AP3D1: variants seen among roughly 807,000 people sequenced by gnomAD.
AP3D1 encodes adaptor related protein complex 3 subunit delta 1, also known as AP-3 complex subunit delta-1.
In AP3D1, 51 loss-of-function variants were observed where a neutral mutation model predicts 147.6. That is an observed-to-expected ratio of 0.35 (90% CI 0.28 to 0.44). The LOEUF (loss-of-function observed/expected upper bound fraction) is 0.44. Ranked by LOEUF, AP3D1 falls within the 20% of genes least tolerant of loss-of-function variation. The probability of loss-of-function intolerance (pLI) is 1.00; values close to 1 mark genes in which losing one functional copy is unlikely to be tolerated. For synonymous variants in AP3D1, 760 were observed against 663.0 expected (o/e 1.15, Z -2.25); for missense variants, 1,421 against 1,624.2 (o/e 0.87, Z 2.15).
chr19:2,154,096 C>T (rs2019626127), upstream of AP3D1, among the ~76,000 whole-genome samples: 1 of 151,770 alleles, frequency 6.6e-6, no homozygotes, highest in African/African-American at 2.4e-5. Context: ...TACAGCTGCC[C>T]ACCACCACCT....
intron 9 of AP3D1, among the ~76,000 whole-genome samples, chr19:2,125,682 T>G (rs905706196): frequency 6.6e-6 from 1 of 152,124 alleles, no homozygotes; most frequent in East Asian, 1.9e-4. Flanking sequence ...GTGTATAGAT[T>G]ACCCAGGTAG....
upstream of AP3D1, among the ~76,000 whole-genome samples, chr19:2,152,107 G>A (rs1323198501): frequency 3.3e-5 from 5 of 152,220 alleles, no homozygotes; most frequent in African/African-American, 1.2e-4. Flanking sequence ...ACAGGACTAC[G>A]ACATTGTCAT....
intron 5 of AP3D1, among the ~76,000 whole-genome samples, chr19:2,132,224 C>G (rs543237747): frequency 7.2e-5 from 11 of 152,154 alleles, no homozygotes; most frequent in Non-Finnish European, 1.3e-4. Context: ...CCGTGCCTGG[C>G]CTGTCAGGGA....
Position 2,116,627 on chromosome 19 carries a change from G to A in AP3D1, c.1979C>T (p.Ala660Val), listed in dbSNP as rs374995503. The A allele has an allele frequency of 2.3e-5, 37 of 1,599,026 alleles. No individual in the cohort carries two copies. Among genetic ancestry groups the A allele is most frequent in the African/African-American group, 1.1e-4 (8 of 74,728 alleles). ...CACCCGAGCCAGCTCTTCCTCGTCCGCCTCCGACGGCCGGTGCTTGGGACG... is the reference window on the plus strand; with the variant it reads ...CACCCGAGCCAGCTCTTCCTCGTCCACCTCCGACGGCCGGTGCTTGGGACG... ...QRRPKHRPSE[A>V]DEEELARRRE... Residue 660 changes from alanine to valine, a missense_variant, in exon 17 of 32, where the codon GCG becomes GTG. Ala to Val is a moderately conservative substitution (Grantham distance 64). Transcript: ENST00000643116.
At chr19:2,150,985 G>A (rs573579830) in intron 1 of AP3D1, among the ~76,000 whole-genome samples, 5 of 152,242 alleles carry the variant, frequency 3.3e-5, no homozygotes, top group Admixed American at 1.3e-4. Flanking sequence ...GCTTCCCCCA[G>A]GTGATCCGAT....
chr19:2,153,692 G>T (rs2019622653), upstream of AP3D1, among the ~76,000 whole-genome samples: 1 of 151,882 alleles, frequency 6.6e-6, no homozygotes, highest in South Asian at 2.1e-4. Context: ...AAAAAAAAAG[G>T]AGGGGAACTG....
intron 9 of AP3D1, among the ~76,000 whole-genome samples, chr19:2,124,407 T>TGGGCAGGGAC (rs2018695034): frequency 6.6e-6 from 1 of 152,140 alleles, no homozygotes; most frequent in East Asian, 1.9e-4. Flanking sequence ...CTGCGTCCTT[T>TGGGCAGGGAC]GGGCAGGGAC....
chr19:2,142,625 C>T (rs1364260294), intron 1 of AP3D1, among the ~76,000 whole-genome samples: 2 of 152,246 alleles, frequency 1.3e-5, no homozygotes, highest in Admixed American at 1.3e-4. Flanking sequence ...GTGCTTTCCA[C>T]GTGGCCGCCT....
At position 2,118,837 on chromosome 19, in the gene AP3D1, G is replaced by C; in HGVS notation, c.1482-5C>G. ...TGGTGTGGTTCCTGCAGATGCCTGA[G>C]GACAGGAAACACTGTGAGCCCCCAG... On this transcript the variant is annotated splice_region_variant and splice_polypyrimidine_tract_variant and intron_variant, in intron 14 of 31. Coordinates refer to ENST00000643116, the MANE Select transcript of AP3D1 (RefSeq NM_001261826.3). 1 of 1,611,376 alleles carries C rather than the reference G, an allele frequency of 6.2e-7. No individual in the cohort carries two copies. The highest frequency in any genetic ancestry group is 8.5e-7 in the Non-Finnish European group (1 of 1,178,550).
intron 4 of AP3D1, among the ~76,000 whole-genome samples, chr19:2,133,775 T>C (rs2019009200): frequency 6.6e-6 from 1 of 150,960 alleles, no homozygotes. Context: ...GTGCTGGGAT[T>C]ACAGGCGTGA....
chr19:2,135,577 G>A (rs1424454064), intron 4 of AP3D1, among the ~76,000 whole-genome samples: 1 of 152,168 alleles, frequency 6.6e-6, no homozygotes, highest in Non-Finnish European at 1.5e-5. Flanking sequence ...ACACTGGACT[G>A]CAAACATCGG....
rs752961745 is a variant in AP3D1, at chr19:2,114,783, G to T, written c.2388C>A (p.Asn796Lys). ...CAATATCCAGAGCCCTGTAGGGGTC[G>T]TTGGGGTCTTTGTCATCCTCGTCGC... ...LPSDEDDKDP[N>K]DPYRALDIDL... Residue 796 changes from asparagine to lysine, a missense_variant, in exon 21 of 32, where the codon AAC (asparagine) becomes AAA (lysine). Transcript: ENST00000643116. The T allele has an allele frequency of 6.2e-7, 1 of 1,614,064 alleles. No homozygotes were observed. The highest frequency in any genetic ancestry group is 1.7e-5 in the Admixed American group (1 of 60,030).
intron 4 of AP3D1, among the ~76,000 whole-genome samples, chr19:2,135,057 C>T (rs1030791116): frequency 2.0e-5 from 3 of 150,234 alleles, no homozygotes; most frequent in Non-Finnish European, 3.0e-5. Flanking sequence ...AAAAATTAGC[C>T]GGGTGTGGTG....
At chr19:2,141,835 G>A (rs2019227483) in intron 1 of AP3D1, among the ~76,000 whole-genome samples, 1 of 151,394 alleles carries the variant, frequency 6.6e-6, no homozygotes, top group Admixed American at 6.6e-5. Flanking sequence ...AACCTCCCAG[G>A]CTCAAGAGAT....
intron 31 of AP3D1, among the ~76,000 whole-genome samples, chr19:2,102,767 AT>A (rs1453012167): frequency 1.3e-4 from 19 of 144,034 alleles, no homozygotes; most frequent in Admixed American, 4.2e-4. Context: ...AAATAAATAA[AT>A]AAATAAATAA....
chr19:2,116,889 C>G (rs1472627146), intron 16 of AP3D1, 143 bp from the exon 17 acceptor site: 8 of 1,162,460 alleles, frequency 6.9e-6, no homozygotes, highest in Middle Eastern at 3.0e-4. Context: ...GCCAGCGAGG[C>G]AGGTGTCACT....
chr19:2,132,688 C>T (rs886155648), intron 4 of AP3D1, 110 bp from the exon 5 acceptor site: 2 of 836,180 alleles, frequency 2.4e-6, no homozygotes, highest in Non-Finnish European at 3.9e-6. Flanking sequence ...CCCCAGGACT[C>T]GGCATATCCT....
At chr19:2,139,477 A>G (rs1001010780) in intron 1 of AP3D1, among the ~76,000 whole-genome samples, 6 of 152,202 alleles carry the variant, frequency 3.9e-5, no homozygotes, top group Non-Finnish European at 7.3e-5. Flanking sequence ...TTCTGACCCA[A>G]GCGAACTCAG....
intron 4 of AP3D1, among the ~76,000 whole-genome samples, chr19:2,133,103 C>T (rs2018992483): frequency 6.6e-6 from 1 of 152,204 alleles, no homozygotes; most frequent in Admixed American, 6.5e-5. Flanking sequence ...CTGGCAGCTC[C>T]CAGCTTGCAG....
Sources: allele counts gnomAD v4.1 joint callset (sites outside exome capture counted in the v4.1 genomes callset), GRCh38; gene constraint gnomAD v4.1.1; transcripts MANE v1.5; gene names NCBI Gene and HGNC (gene_info 2026-07-23, HGNC 2026-07-21).